The following CREB5 variants were observed in gnomAD, a reference collection of about 807,000 sequenced individuals.
CREB5 encodes cyclic AMP-responsive element-binding protein 5.
CREB5 carries 19 observed loss-of-function variants against 57.1 expected under a neutral mutation model. The ratio of observed to expected loss-of-function variants is 0.33; its 90% CI spans 0.23 to 0.49. CREB5 has a LOEUF of 0.49. Among genes scored for constraint, CREB5 ranks in the 20% least tolerant of loss-of-function variants. The pLI, the probability that CREB5 is intolerant of heterozygous loss-of-function variation, is 0.99. For missense variants in CREB5, 579 were observed against 671.6 expected (o/e 0.86, Z 1.52); for synonymous variants, 238 against 238.3 (o/e 1.00, Z 0.01).
At chr7:28,560,919 T>TGCGTGCGCGCGCGCACGTGC (rs1562797827) in intron 4 of CREB5, among the ~76,000 whole-genome samples, 4 of 42,996 alleles carry the variant, frequency 9.3e-5, no homozygotes, top group Admixed American at 2.1e-4. Flanking sequence ...CGTGTGCGTG[T>TGCGTGCGCGCGCGCACGTGC]GTGCGCGTGC....
intron 1 of CREB5, chr7:28,435,550 T>G: frequency 1.2e-6 from 1 of 813,598 alleles, no homozygotes; most frequent in Non-Finnish European, 1.5e-6. Context: ...TAAATTTAAG[T>G]GTCAGCTGCA....
chr7:28,618,134 TCAGC>T (rs1797662094), intron 5 of CREB5, among the ~76,000 whole-genome samples: 4 of 152,144 alleles, frequency 2.6e-5, no homozygotes, highest in Non-Finnish European at 5.9e-5. Flanking sequence ...GGATAGAACT[TCAGC>T]TAGGGGAGCT....
chr7:28,352,695 C>T (rs182968150), intron 1 of CREB5, among the ~76,000 whole-genome samples: 5 of 152,268 alleles, frequency 3.3e-5, no homozygotes, highest in Non-Finnish European at 5.9e-5. Flanking sequence ...CCTGGCATCT[C>T]GTTTTCTTTA....
At chr7:28,602,846 C>T (rs1796976283) in intron 5 of CREB5, among the ~76,000 whole-genome samples, 1 of 152,092 alleles carries the variant, frequency 6.6e-6, no homozygotes, top group Non-Finnish European at 1.5e-5. Context: ...AATATACACA[C>T]TCACAAAACT....
At chr7:28,326,019 T>C (rs1785592771) in intron 1 of CREB5, among the ~76,000 whole-genome samples, 1 of 152,182 alleles carries the variant, frequency 6.6e-6, no homozygotes, top group Non-Finnish European at 1.5e-5. Flanking sequence ...GAATCAGTTC[T>C]TCAAGGAGCT....
At chr7:28,674,577 ACCTG>A (rs774411232) in intron 5 of CREB5, among the ~76,000 whole-genome samples, 1 of 152,128 alleles carries the variant, frequency 6.6e-6, no homozygotes, top group Non-Finnish European at 1.5e-5. Context: ...GCGCAGACCA[ACCTG>A]CTGAGCTCAG....
At chr7:28,402,625 A>G (rs374282358) in intron 1 of CREB5, among the ~76,000 whole-genome samples, 32 of 152,366 alleles carry the variant, frequency 2.1e-4, no homozygotes, top group Middle Eastern at 3.4e-3. Flanking sequence ...GGCCATATGT[A>G]GAAAGCTGAA....
At chr7:28,460,612 G>C (rs1312578398) in intron 1 of CREB5, among the ~76,000 whole-genome samples, 1 of 152,160 alleles carries the variant, frequency 6.6e-6, no homozygotes, top group Non-Finnish European at 1.5e-5. Flanking sequence ...TTCAGGTGGG[G>C]TATCCATCAT....
intron 4 of CREB5, among the ~76,000 whole-genome samples, chr7:28,549,174 C>A (rs1794528089): frequency 6.6e-6 from 1 of 152,120 alleles, no homozygotes; most frequent in Admixed American, 6.5e-5. Flanking sequence ...CTTTTAACAG[C>A]AATTGCCAAA....
chr7:28,723,978 G>A (rs1269044662), intron 6 of CREB5, among the ~76,000 whole-genome samples: 1 of 152,122 alleles, frequency 6.6e-6, no homozygotes, highest in Non-Finnish European at 1.5e-5. Flanking sequence ...AAAGTGATCT[G>A]CCATGACAAT....
At chr7:28,469,212 C>T (rs1790714105) in intron 1 of CREB5, among the ~76,000 whole-genome samples, 1 of 152,078 alleles carries the variant, frequency 6.6e-6, no homozygotes, top group African/African-American at 2.4e-5. Flanking sequence ...CCGGCAAGAC[C>T]CTGTCTCTAA....
chr7:28,469,513 T>G (rs1790724056), intron 1 of CREB5, among the ~76,000 whole-genome samples: 1 of 152,194 alleles, frequency 6.6e-6, no homozygotes, highest in Non-Finnish European at 1.5e-5. Context: ...TAAACATAAG[T>G]TCATACATGA....
intron 5 of CREB5, among the ~76,000 whole-genome samples, chr7:28,680,090 G>C (rs1422453050): frequency 2.0e-5 from 3 of 152,156 alleles, no homozygotes; most frequent in African/African-American, 7.2e-5. Flanking sequence ...ATTTAAGGGG[G>C]CAATTATTCT....
chr7:28,797,041 AT>A (rs1209730789), intron 7 of CREB5, among the ~76,000 whole-genome samples: 1 of 152,252 alleles, frequency 6.6e-6, no homozygotes, highest in Non-Finnish European at 1.5e-5. Flanking sequence ...TAATTTCTTC[AT>A]TCAGCAAGAA....
intron 1 of CREB5, among the ~76,000 whole-genome samples, chr7:28,351,576 A>G (rs1033276689): frequency 6.6e-6 from 1 of 152,122 alleles, no homozygotes; most frequent in Non-Finnish European, 1.5e-5. Context: ...ATATCATTTC[A>G]TATATACTTT....
At chr7:28,317,417 C>G (rs1319631984) in intron 1 of CREB5, among the ~76,000 whole-genome samples, 1 of 152,194 alleles carries the variant, frequency 6.6e-6, no homozygotes, top group Admixed American at 6.5e-5. Context: ...TCAAAACACA[C>G]TTTGAGTGGG....
chr7:28,551,945 T>C (rs1794672326), intron 4 of CREB5, among the ~76,000 whole-genome samples: 1 of 147,504 alleles, frequency 6.8e-6, no homozygotes, highest in Non-Finnish European at 1.5e-5. Context: ...TTTTCTCTCT[T>C]TTTTATTCTT....
intron 1 of CREB5, among the ~76,000 whole-genome samples, chr7:28,352,962 T>A (rs1786263793): frequency 6.6e-6 from 1 of 152,214 alleles, no homozygotes. Flanking sequence ...GGCAAACACA[T>A]GCCTACCTCT....
intron 1 of CREB5, among the ~76,000 whole-genome samples, chr7:28,379,207 C>G (rs972664280): frequency 1.3e-5 from 2 of 152,122 alleles, no homozygotes; most frequent in Non-Finnish European, 2.9e-5. Flanking sequence ...GTCTCAGTAA[C>G]AAAGTGGTGA....
Sources: gnomAD v4.1 joint callset for allele counts (sites outside exome capture counted in the v4.1 genomes callset) on GRCh38, gnomAD v4.1.1 for gene constraint, MANE v1.5 for transcripts, NCBI Gene and HGNC (gene_info 2026-07-23, HGNC 2026-07-21) for gene names.